CEP85: variants seen among roughly 807,000 people sequenced by gnomAD.
CEP85 encodes centrosomal protein of 85 kDa.
CEP85 carries 58 observed loss-of-function variants against 93.7 expected under a neutral mutation model. The observed-to-expected ratio is 0.62, with a 90% CI of 0.50 to 0.77. The LOEUF is 0.77. CEP85 is among the 30% of genes least tolerant of loss of function. The pLI is 0.00. For missense variants in CEP85, 868 were observed against 922.0 expected (o/e 0.94, Z 0.76); for synonymous variants, 314 against 338.6 (o/e 0.93, Z 0.80).
chr1:26,257,742 A>AG lies in CEP85; in HGVS notation c.1037+16dup. ...CTTCTCATTGACAAGTAAGAGGGCA[A>AG]GGGGTACCACAGAGCCAGACTACTC... On this transcript the variant is annotated intron_variant, in intron 5 of 13. Transcript: ENST00000451429. 1 of 1,613,958 alleles carries AG rather than the reference A, an allele frequency of 6.2e-7. No individual in the cohort carries two copies. The highest frequency in any genetic ancestry group is 1.7e-5 in the Admixed American group (1 of 60,016).
At chr1:26,256,235 A>G (rs929980662) in intron 4 of CEP85, among the ~76,000 whole-genome samples, 3 of 152,160 alleles carry the variant, frequency 2.0e-5, no homozygotes, top group Admixed American at 6.5e-5. Flanking sequence ...AGAGTTGGTA[A>G]TTGGCAGAGC....
chr1:26,238,871 G>A (rs533189485), intron 1 of CEP85, among the ~76,000 whole-genome samples: 1 of 152,280 alleles, frequency 6.6e-6, no homozygotes, highest in East Asian at 1.9e-4. Flanking sequence ...ATATTTTAAG[G>A]AGTGAGAACA....
intron 7 of CEP85, among the ~76,000 whole-genome samples, chr1:26,264,477 G>A (rs2089862761): frequency 6.6e-6 from 1 of 152,160 alleles, no homozygotes; most frequent in African/African-American, 2.4e-5. Flanking sequence ...AGGTTGCAGT[G>A]AGCTGAGATC....
At position 26,259,770 on chromosome 1, in the gene CEP85, C is replaced by T; in HGVS notation, c.1309C>T (p.His437Tyr). ...GTCGCTCAAAGTGGCGTTGCAGAAG[C>T]ATTCTGAGGAAGTGAAGAAACAGGA... ...RESLKVALQK[H>Y]SEEVKKQEER... Residue 437 changes from histidine (H) to tyrosine (Y), a missense_variant, in exon 7 of 14, where the codon CAT becomes TAT. Transcript: ENST00000451429. The T allele has an allele frequency of 6.2e-7, 1 of 1,612,694 alleles. No homozygotes were observed. Among genetic ancestry groups the T allele is most frequent in the Non-Finnish European group, 8.5e-7 (1 of 1,179,496 alleles).
intron 2 of CEP85, among the ~76,000 whole-genome samples, chr1:26,240,587 T>C (rs1438275281): frequency 1.3e-5 from 2 of 152,050 alleles, no homozygotes; most frequent in Admixed American, 1.3e-4. Context: ...ATTGGTTGAA[T>C]TCACAAACGT....
intron 3 of CEP85, among the ~76,000 whole-genome samples, chr1:26,250,605 T>G (rs1304095533): frequency 6.6e-6 from 1 of 152,212 alleles, no homozygotes; most frequent in African/African-American, 2.4e-5. Context: ...GACAAAGACC[T>G]CACCTTAATT....
intron 1 of CEP85, among the ~76,000 whole-genome samples, chr1:26,238,202 CT>C (rs67466493): frequency 1.7e-4 from 15 of 88,298 alleles, no homozygotes; most frequent in East Asian, 8.1e-4. Flanking sequence ...GTCCCAAACT[CT>C]TTTTTTTTTT....
At position 26,278,125 on chromosome 1, in the gene CEP85, T is replaced by A. The variant is rs2090079410; in HGVS notation, c.*832T>A. 1.3e-5 allele frequency: 2 copies of A among 152,702 alleles called. No homozygotes were observed. The highest frequency in any genetic ancestry group is 2.9e-5 in the Non-Finnish European group (2 of 68,080). The allele number at this position is 152,702 out of a possible 1,614,324, so 9.5% of individuals were successfully genotyped here. A position where few individuals can be genotyped will look rare whatever the true frequency, so the allele number is the denominator to read the frequency against. On this transcript the variant is annotated 3_prime_UTR_variant, in exon 14 of 14. Coordinates refer to ENST00000451429, the MANE Select transcript of CEP85 (RefSeq NM_001319944.2). Reference sequence around the variant, plus strand: ...GACCACAGAGCAACTGTCAAGCTGCTTACCCCCTCACCCAGGGCTACAGCC... The same window carrying A: ...GACCACAGAGCAACTGTCAAGCTGCATACCCCCTCACCCAGGGCTACAGCC...
intron 2 of CEP85, among the ~76,000 whole-genome samples, chr1:26,240,072 G>A (rs1335976914): frequency 6.6e-6 from 1 of 152,146 alleles, no homozygotes; most frequent in Non-Finnish European, 1.5e-5. Flanking sequence ...GACATATAAA[G>A]GATTGGAACA....
intron 7 of CEP85, 27 bp from the exon 8 acceptor site, chr1:26,268,456 A>T: frequency 6.2e-7 from 1 of 1,613,826 alleles, no homozygotes; most frequent in South Asian, 1.1e-5. Flanking sequence ...TGAATGGTGG[A>T]GACAGACTTG....
chr1:26,247,578 G>A (rs1275522818), intron 3 of CEP85, among the ~76,000 whole-genome samples: 1 of 151,922 alleles, frequency 6.6e-6, no homozygotes, highest in East Asian at 1.9e-4. Context: ...AAAAAAAAAA[G>A]AGGGTAGTGG....
At position 26,276,515 on chromosome 1, in the gene CEP85, T is replaced by C. The variant is rs1177426136; in HGVS notation, c.1903-20T>C. 1 of 1,596,332 alleles carries C rather than the reference T, an allele frequency of 6.3e-7. No individual in the cohort carries two copies. Among genetic ancestry groups the C allele is most frequent in the Non-Finnish European group, 8.6e-7 (1 of 1,163,908 alleles). ...TCTCCCTGGGCCTGAGTTAATGTGC[T>C]TACCCATCTGTCTGCTCAGCTTTCA... On this transcript the variant is annotated intron_variant, in intron 12 of 13. Coordinates refer to ENST00000451429, the MANE Select transcript of CEP85 (RefSeq NM_001319944.2).
intron 3 of CEP85, among the ~76,000 whole-genome samples, chr1:26,248,140 A>G (rs2089539295): frequency 6.6e-6 from 1 of 152,324 alleles, no homozygotes; most frequent in African/African-American, 2.4e-5. Context: ...GCCTAACATC[A>G]TACAGCTGGT....
intron 3 of CEP85, among the ~76,000 whole-genome samples, chr1:26,246,985 G>T (rs1174109363): frequency 6.6e-6 from 1 of 152,194 alleles, no homozygotes; most frequent in Non-Finnish European, 1.5e-5. Context: ...CACACAGCAG[G>T]AGGTGAGCAG....
At chr1:26,246,678 G>A (rs998701700) in intron 3 of CEP85, among the ~76,000 whole-genome samples, 8 of 151,378 alleles carry the variant, frequency 5.3e-5, no homozygotes, top group Non-Finnish European at 8.8e-5. Context: ...GCAGTGAGGT[G>A]AGATCGTGCC....
intron 7 of CEP85, among the ~76,000 whole-genome samples, chr1:26,261,828 G>T (rs2089814179): frequency 6.6e-6 from 1 of 151,846 alleles, no homozygotes; most frequent in East Asian, 1.9e-4. Context: ...TTTCTGCATG[G>T]TTATACAGTC....
chr1:26,240,783 A>G (rs1013269687), intron 2 of CEP85, among the ~76,000 whole-genome samples: 1 of 152,108 alleles, frequency 6.6e-6, no homozygotes, highest in Non-Finnish European at 1.5e-5. Context: ...TAATAATCCC[A>G]GCTACTTGGG....
At chr1:26,250,503 G>A (rs2089589082) in intron 3 of CEP85, among the ~76,000 whole-genome samples, 1 of 152,186 alleles carries the variant, frequency 6.6e-6, no homozygotes, top group South Asian at 2.1e-4. Context: ...GGGAACCGCT[G>A]GTGTAACTTT....
rs71581048 is a variant in CEP85 at position 26,250,925 on chromosome 1, C to CTTTTTT, written c.209-4245_209-4240dup. ...TGAGCCAAGCTTGCCTTTTTTTTTT[C>CTTTTTT]TTTTTTCTTTTTTTTTTTTTTTTTT... On this transcript the variant is annotated intron_variant, in intron 3 of 13. Coordinates refer to ENST00000451429, the MANE Select transcript of CEP85 (RefSeq NM_001319944.2). Among the ~76,000 whole-genome samples, 96 of 55,118 alleles carry CTTTTTT rather than the reference C, an allele frequency of 1.7e-3. 7 individuals carry two copies. The highest frequency in any genetic ancestry group is 9.3e-3 in the East Asian group (16 of 1,712). The allele number at this position is 55,118 out of a possible 152,430, so 36.2% of individuals were successfully genotyped here. A position where few individuals can be genotyped will look rare whatever the true frequency, so the allele number is the denominator to read the frequency against.
Sources: gnomAD v4.1 joint callset for allele counts (sites outside exome capture counted in the v4.1 genomes callset) on GRCh38, gnomAD v4.1.1 for gene constraint, MANE v1.5 for transcripts, NCBI Gene and HGNC (gene_info 2026-07-23, HGNC 2026-07-21) for gene names.